Variants in DNAH6 observed in about 807,000 individuals in gnomAD.
DNAH6 encodes dynein axonemal heavy chain 6.
In DNAH6, 340 loss-of-function variants were observed where a neutral mutation model predicts 491.4. The observed-to-expected ratio is 0.69, with a 90% CI of 0.63 to 0.76. DNAH6 has a LOEUF of 0.76. Among genes scored for constraint, DNAH6 ranks in the 30% least tolerant of loss-of-function variants. The pLI is 0.00. For missense variants in DNAH6, 4,443 were observed against 4,972.2 expected (o/e 0.89, Z 3.20); for synonymous variants, 1,603 against 1,686.1 (o/e 0.95, Z 1.21).
chr2:84,595,183 C>T (rs1449640116), intron 17 of DNAH6, among the ~76,000 whole-genome samples: 1 of 152,036 alleles, frequency 6.6e-6, no homozygotes, highest in Non-Finnish European at 1.5e-5. Context: ...GGCTATCTGA[C>T]ATGTCAATAT....
In DNAH6 at chr2:84,688,542, C is replaced by T. The variant is rs781348891; in HGVS notation, c.7241C>T (p.Pro2414Leu). The T allele has an allele frequency of 8.5e-5, 131 of 1,544,772 alleles. No homozygotes were observed. Among genetic ancestry groups the T allele is most frequent in the Non-Finnish European group, 1.1e-4 (124 of 1,145,652 alleles). The change falls in exon 45 of 77, where the codon CCC becomes CTC. Residue 2414 changes from proline (P) to leucine (L), a missense_variant. Physicochemically the swap from Pro to Leu is moderately conservative, Grantham distance 98. Coordinates refer to ENST00000389394, the MANE Select transcript of DNAH6 (RefSeq NM_001370.2). Reference protein sequence around the residue: ...DYLDDYNLTNPKEVKLVFFQD... With the variant: ...DYLDDYNLTNLKEVKLVFFQD... The stretch of plus-strand genomic sequence containing the variant: ...CTTGATGATTATAATCTCACAAATC[C>T]CAAAGAAGTAAAGTTGGTGTTCTTC...
intron 75 of DNAH6, among the ~76,000 whole-genome samples, 190 bp from the exon 76 acceptor site, chr2:84,815,671 C>G (rs1015124503): frequency 5.9e-5 from 9 of 152,158 alleles, no homozygotes; most frequent in African/African-American, 2.2e-4. Context: ...GGGGAAAAGT[C>G]ATCACATTAT....
intron 60 of DNAH6, among the ~76,000 whole-genome samples, chr2:84,724,865 G>A (rs1327544623): frequency 1.3e-5 from 2 of 152,154 alleles, no homozygotes; most frequent in Non-Finnish European, 2.9e-5. Context: ...CCATCAATTC[G>A]GCTACAGTCT....
chr2:84,694,686 AT>A (rs1282801492), intron 46 of DNAH6, among the ~76,000 whole-genome samples: 1 of 152,208 alleles, frequency 6.6e-6, no homozygotes, highest in Non-Finnish European at 1.5e-5. Context: ...TAGTAATTAA[AT>A]TTGATCAAAG....
At chr2:84,614,858 T>G (rs1005205582) in intron 22 of DNAH6, among the ~76,000 whole-genome samples, 1 of 152,152 alleles carries the variant, frequency 6.6e-6, no homozygotes, top group Non-Finnish European at 1.5e-5. Flanking sequence ...CTTAGCTCAC[T>G]TTTTGAAGGG....
intron 68 of DNAH6, among the ~76,000 whole-genome samples, chr2:84,791,840 A>G (rs1158953622): frequency 6.6e-6 from 1 of 152,034 alleles, no homozygotes; most frequent in Admixed American, 6.5e-5. Flanking sequence ...TTAGGCATTC[A>G]TTTATGGATT....
chr2:84,796,539 C>A, intron 69 of DNAH6, 114 bp downstream of exon 69: 1 of 838,074 alleles, frequency 1.2e-6, no homozygotes, highest in Non-Finnish European at 1.7e-6. Flanking sequence ...GCTGTTATAG[C>A]CACACCCTAT....
chr2:84,595,744 T>C lies in DNAH6; in HGVS notation c.2823T>C (p.Ser941=), dbSNP rs988994492. Residue 941 remains serine (S), a synonymous_variant, in exon 18 of 77, where the codon AGT becomes AGC. Transcript: ENST00000389394. ...TGGAAAAAGGCTTGCCACCCAACAG[T>C]GTAGTGCCCCAGCTCAAATACAAGG... ...TQLEKGLPPN[S]VVPQLKYKVE... The C allele has an allele frequency of 2.5e-5, 39 of 1,550,690 alleles. No homozygotes were observed. The East Asian group carries it at 8.1e-4, about 32-fold the overall frequency.
the DNAH6 span, among the ~76,000 whole-genome samples, chr2:84,466,764 A>G: frequency 6.6e-6 from 1 of 152,250 alleles, no homozygotes; most frequent in African/African-American, 2.4e-5. Flanking sequence ...CAACTTCTAA[A>G]GAGGATTAAA....
intron 33 of DNAH6, among the ~76,000 whole-genome samples, chr2:84,644,108 T>C (rs1437666485): frequency 6.6e-6 from 1 of 152,160 alleles, no homozygotes; most frequent in Non-Finnish European, 1.5e-5. Flanking sequence ...AATGAGCCTA[T>C]GCCTTTGAAT....
intron 63 of DNAH6, among the ~76,000 whole-genome samples, chr2:84,757,833 G>A (rs1674191681): frequency 6.6e-6 from 1 of 152,080 alleles, no homozygotes; most frequent in Admixed American, 6.6e-5. Flanking sequence ...CCACCTTCCT[G>A]AGAGACAACT....
Position 84,654,701 on chromosome 2 carries a change from A to G in DNAH6, c.5676A>G (p.Arg1892=), listed in dbSNP as rs1690780120. 5 of 1,551,206 alleles carry G rather than the reference A, an allele frequency of 3.2e-6. No homozygotes were observed. Among genetic ancestry groups the G allele is most frequent in the Non-Finnish European group, 4.4e-6 (5 of 1,146,454 alleles). Residue 1892 remains arginine (R), a synonymous_variant, in exon 35 of 77, where the codon CGA becomes CGG. Coordinates refer to ENST00000389394, the MANE Select transcript of DNAH6 (RefSeq NM_001370.2). ...LRVASPATVS[R]CGMVFVDPEE... is the part of the protein sequence containing the mutation. ...TTGCCTCCCCTGCAACAGTCAGTCG[A>G]TGTGGAATGGTGTTTGTGGATCCTG...
At chr2:84,771,214 G>A (rs1559022220) in intron 64 of DNAH6, among the ~76,000 whole-genome samples, 1 of 151,914 alleles carries the variant, frequency 6.6e-6, no homozygotes, top group Non-Finnish European at 1.5e-5. Context: ...CTTGAATCTG[G>A]GAGGCAGAGT....
chr2:84,556,136 A>G (rs1396917139), intron 10 of DNAH6, among the ~76,000 whole-genome samples: 2 of 152,248 alleles, frequency 1.3e-5, no homozygotes, highest in Non-Finnish European at 2.9e-5. Flanking sequence ...GGGTTGTGAT[A>G]TACATTTGTA....
At chr2:84,713,365 C>T in intron 57 of DNAH6, 106 bp downstream of exon 57, 1 of 1,080,054 alleles carries the variant, frequency 9.3e-7, no homozygotes, top group Non-Finnish European at 1.3e-6. Context: ...CTCCCCCATT[C>T]TCCCCTGTCT....
chr2:84,815,567 A>G (rs1338187007), intron 75 of DNAH6, among the ~76,000 whole-genome samples: 1 of 152,202 alleles, frequency 6.6e-6, no homozygotes, highest in Non-Finnish European at 1.5e-5. Flanking sequence ...TTGCAGATAT[A>G]TAATCTGTCT....
rs1355580005 is a variant in DNAH6 at position 84,653,878 on chromosome 2, A to AGT, written c.5634+7_5634+8dup. On this transcript the variant is annotated splice_donor_region_variant and intron_variant, in intron 34 of 76. Transcript: ENST00000389394. ...TCAAATTCACATGCTTTTTGAGGTA[A>AGT]GTGTACACATTACTGTGGAGTGAAA... The AGT allele has an allele frequency of 6.5e-7, 1 of 1,540,994 alleles. No homozygotes were observed. Among genetic ancestry groups the AGT allele is most frequent in the African/African-American group, 1.4e-5 (1 of 72,796 alleles).
intron 38 of DNAH6, among the ~76,000 whole-genome samples, chr2:84,669,992 C>T (rs954252796): frequency 3.3e-5 from 5 of 152,120 alleles, no homozygotes; most frequent in Non-Finnish European, 5.9e-5. Context: ...GGAGAATCCA[C>T]GTAAACAGGA....
Position 84,653,448 on chromosome 2 carries a change from G to A in DNAH6, c.5208G>A (p.Val1736=). 3 of 1,551,230 alleles carry A rather than the reference G, an allele frequency of 1.9e-6. No homozygotes were observed. Among genetic ancestry groups the A allele is most frequent in the Non-Finnish European group, 2.6e-6 (3 of 1,146,672 alleles). The change falls in exon 34 of 77, where the codon GTG becomes GTA. Residue 1736 remains valine (V), a synonymous_variant. Coordinates refer to ENST00000389394, the MANE Select transcript of DNAH6 (RefSeq NM_001370.2). ...CTGAGATGTGTATGGTTAGAAAGGT[G>A]ATACAGTTTTATGAAACTATGCTAG... ...LQPEMCMVRK[V]IQFYETMLVR...
Sources: allele counts gnomAD v4.1 joint callset (sites outside exome capture counted in the v4.1 genomes callset), GRCh38; gene constraint gnomAD v4.1.1; transcripts MANE v1.5; gene names NCBI Gene and HGNC (gene_info 2026-07-23, HGNC 2026-07-21).